EPG5: variants seen among roughly 807,000 people sequenced by gnomAD.
The protein encoded by EPG5 is ectopic P granules protein 5 homolog.
A neutral mutation model predicts 302.7 loss-of-function variants in EPG5; 159 were observed. The observed-to-expected ratio is 0.53, with a 90% CI of 0.46 to 0.60. The LOEUF (loss-of-function observed/expected upper bound fraction) is 0.60, where lower values mean the gene tolerates loss of function less well. Ranked by LOEUF, EPG5 falls within the 20% of genes least tolerant of loss-of-function variation. The pLI is 0.00. For synonymous variants in EPG5, 1,158 were observed against 1,136.8 expected (o/e 1.02, Z -0.37); for missense variants, 2,896 against 3,092.4 (o/e 0.94, Z 1.51).
intron 20 of EPG5, among the ~76,000 whole-genome samples, chr18:45,914,523 T>C (rs903031516): frequency 1.3e-5 from 2 of 152,248 alleles, no homozygotes; most frequent in Non-Finnish European, 2.9e-5. Context: ...CTGATGATAA[T>C]AATAACAATG....
chr18:45,901,919 A>G (rs1165471186), intron 25 of EPG5, among the ~76,000 whole-genome samples: 1 of 152,192 alleles, frequency 6.6e-6, no homozygotes, highest in Non-Finnish European at 1.5e-5. Context: ...TAGATATCCA[A>G]TAGATTCCTA....
intron 37 of EPG5, 82 bp downstream of exon 37, chr18:45,867,481 A>C (rs902574526): frequency 1.7e-6 from 2 of 1,171,734 alleles, no homozygotes; most frequent in Non-Finnish European, 2.5e-6. Context: ...CACTGGAAAA[A>C]CAAATGAAAA....
Position 45,954,706 on chromosome 18 carries a change from T to G in EPG5, c.696A>C (p.Ala232=). 1.9e-6 allele frequency: 3 copies of G among 1,614,230 alleles called. No individual in the cohort carries two copies. Among genetic ancestry groups the G allele is most frequent in the Non-Finnish European group, 1.7e-6 (2 of 1,180,044 alleles). ...EIAGEAPALV[A]VKPLLRSERL... is the part of the protein sequence containing the mutation. Reference sequence around the variant, plus strand: ...GCTCACTGCGAAGCAAGGGTTTCACTGCCACCAAAGCTGGTGCTTCTCCAG... The same window carrying G: ...GCTCACTGCGAAGCAAGGGTTTCACGGCCACCAAAGCTGGTGCTTCTCCAG... Residue 232 remains alanine (A), a synonymous_variant, in exon 2 of 44, where the codon GCA becomes GCC. Transcript: ENST00000282041.
At chr18:45,962,691 A>G (rs925567103) in intron 1 of EPG5, among the ~76,000 whole-genome samples, 4 of 152,164 alleles carry the variant, frequency 2.6e-5, no homozygotes, top group African/African-American at 9.7e-5. Context: ...AAACTGTCTA[A>G]AGGCAACAGC....
At chr18:45,953,769 A>C in intron 2 of EPG5, 1 of 985,284 alleles carries the variant, frequency 1.0e-6, no homozygotes, top group African/African-American at 1.7e-5. Context: ...CACTGGCATC[A>C]TCCTGGAGCT....
chr18:45,958,319 A>G (rs1232546982), intron 1 of EPG5, among the ~76,000 whole-genome samples: 1 of 152,224 alleles, frequency 6.6e-6, no homozygotes, highest in African/African-American at 2.4e-5. Context: ...GCAGAAGTTG[A>G]TAAACTGATA....
At chr18:45,826,186 T>C in the EPG5 span, among the ~76,000 whole-genome samples, 1 of 151,324 alleles carries the variant, frequency 6.6e-6, no homozygotes, top group African/African-American at 2.4e-5. Context: ...GGGGAGTGCA[T>C]GGGCGTTTGG....
rs755258249 is a variant in EPG5 at position 45,879,229 on chromosome 18, T to C, written c.5668-15A>G. Reference sequence around the variant, plus strand: ...GTCTCCATTACCTGGAAGAGACAACTAGTCAAAAAATGCTTACTAAATATG... The same window carrying C: ...GTCTCCATTACCTGGAAGAGACAACCAGTCAAAAAATGCTTACTAAATATG... On this transcript the variant is annotated splice_polypyrimidine_tract_variant and intron_variant, in intron 32 of 43. Coordinates refer to ENST00000282041, the MANE Select transcript of EPG5 (RefSeq NM_020964.3). 95 of 1,580,198 alleles carry C rather than the reference T, an allele frequency of 6.0e-5. No individual in the cohort carries two copies. The Admixed American group carries it at 9.7e-4, about 16-fold the overall frequency.
rs1366307453 is a variant in EPG5 at position 45,953,499 on chromosome 18, G to C, written c.1009-856C>G. ...AGGATTAGGGATAGGGGAATGACAT[G>C]TTTCTCCCCAATATCCCCTCCAGCT... On this transcript the variant is annotated intron_variant, in intron 2 of 43. Coordinates refer to ENST00000282041, the MANE Select transcript of EPG5 (RefSeq NM_020964.3). 6 of 985,208 alleles carry C rather than the reference G, an allele frequency of 6.1e-6. No homozygotes were observed. In the Admixed American group the frequency reaches 1.8e-4, roughly 30 times the overall value. The allele number at this position is 985,208 out of a possible 1,614,324, so 61.0% of individuals were successfully genotyped here.
chr18:45,943,967 C>A (rs749177355), intron 8 of EPG5, 38 bp downstream of exon 8: 30 of 1,307,298 alleles, frequency 2.3e-5, no homozygotes, highest in Non-Finnish European at 3.1e-5. Flanking sequence ...TTTACACTTG[C>A]CACTACCACA....
At position 45,954,541 on chromosome 18, in the gene EPG5, C is replaced by T. The variant is rs1314932077; in HGVS notation, c.861G>A (p.Arg287=). 4 of 1,614,264 alleles carry T rather than the reference C, an allele frequency of 2.5e-6. No individual in the cohort carries two copies. In the Admixed American group the frequency reaches 6.7e-5, roughly 27 times the overall value. The change falls in exon 2 of 44, where the codon AGG becomes AGA. Residue 287 remains arginine (R), a synonymous_variant. Coordinates refer to ENST00000282041, the MANE Select transcript of EPG5 (RefSeq NM_020964.3). ...EEFDSMAHQD[R]HEFYELLLNY... ...TCAAAAGCAACTCATAAAATTCATGCCTGTCTTGATGAGCCATGCTGTCAA... is the reference window on the plus strand; with the variant it reads ...TCAAAAGCAACTCATAAAATTCATGTCTGTCTTGATGAGCCATGCTGTCAA...
chr18:45,842,262 C>T, the EPG5 span: 4 of 1,544,282 alleles, frequency 2.6e-6, no homozygotes, highest in African/African-American at 4.1e-5. Context: ...GCTGGCACAG[C>T]CAGTCCTGGT....
chr18:45,886,931 T>G (rs1418958176), intron 29 of EPG5, among the ~76,000 whole-genome samples: 2 of 152,154 alleles, frequency 1.3e-5, no homozygotes, highest in African/African-American at 4.8e-5. Context: ...GTGCTGGGAT[T>G]ACAAGTGTGA....
chr18:45,840,644 AATCAC>A, the EPG5 span, among the ~76,000 whole-genome samples: 6 of 152,236 alleles, frequency 3.9e-5, no homozygotes, highest in Admixed American at 3.3e-4. Context: ...ACCCCTAGGA[AATCAC>A]TGACTCCTGG....
intron 4 of EPG5, 23 bp downstream of exon 4, chr18:45,951,079 T>G: frequency 6.7e-7 from 1 of 1,495,662 alleles, no homozygotes; most frequent in South Asian, 1.4e-5. Context: ...CAAAGACTAC[T>G]GTGTCTATCT....
At chr18:45,810,775 T>C in the EPG5 span, among the ~76,000 whole-genome samples, 2 of 152,136 alleles carry the variant, frequency 1.3e-5, no homozygotes, top group Non-Finnish European at 1.5e-5. Flanking sequence ...AGTGGGACTC[T>C]GTCTAACAAC....
chr18:45,889,149 GATC>G (rs1208707146), intron 28 of EPG5, among the ~76,000 whole-genome samples: 1 of 152,160 alleles, frequency 6.6e-6, no homozygotes, highest in Non-Finnish European at 1.5e-5. Context: ...CTACTGAGGG[GATC>G]AGCTGTTGGA....
In EPG5 at chr18:45,887,755, C is replaced by T; in HGVS notation, c.5105G>A (p.Gly1702Glu). The T allele has an allele frequency of 6.4e-7, 1 of 1,562,458 alleles. No individual in the cohort carries two copies. Among genetic ancestry groups the T allele is most frequent in the Non-Finnish European group, 8.7e-7 (1 of 1,143,004 alleles). Residue 1702 changes from glycine (G) to glutamate (E), a missense_variant, in exon 29 of 44, where the codon GGA becomes GAA. Gly to Glu is a moderately conservative substitution (Grantham distance 98). This residue lies in a region of EPG5 where 790 missense variants were observed against 798.0 expected (regional missense o/e 0.99). Transcript: ENST00000282041. ...AAAAGGTACAGATAGCCTTACCTGTCCCAAGATCTCAATACATGAAGTAAA... is the reference window on the plus strand; with the variant it reads ...AAAAGGTACAGATAGCCTTACCTGTTCCAAGATCTCAATACATGAAGTAAA... ...QFFTSCIEIL[G>E]QVFISGIKSE...
intron 16 of EPG5, among the ~76,000 whole-genome samples, chr18:45,921,801 A>G (rs2004084): frequency 0.35 from 52,680 of 151,500 alleles, 10,537 homozygotes; most frequent in African/African-American, 0.55. Flanking sequence ...ATCACACACC[A>G]GGGCCTGTCA....
Sources: gnomAD v4.1 joint callset for allele counts (sites outside exome capture counted in the v4.1 genomes callset) on GRCh38, gnomAD v4.1.1 for gene constraint, gnomAD v4.1.1 regional missense constraint, MANE v1.5 for transcripts, NCBI Gene and HGNC (gene_info 2026-07-23, HGNC 2026-07-21) for gene names.